FAT3: variants seen among roughly 807,000 people sequenced by gnomAD.
The protein encoded by FAT3 is FAT atypical cadherin 3.
A neutral mutation model predicts 310.2 loss-of-function variants in FAT3; 95 were observed. The ratio of observed to expected loss-of-function variants is 0.31; its 90% CI spans 0.26 to 0.36. The LOEUF (loss-of-function observed/expected upper bound fraction) is 0.36, where lower values mean the gene tolerates loss of function less well. FAT3 is among the 10% of genes least tolerant of loss of function. The pLI is 1.00. For synonymous variants in FAT3, 2,314 were observed against 2,192.9 expected (o/e 1.06, Z -1.54); for missense variants, 5,408 against 5,715.6 (o/e 0.95, Z 1.74).
rs770461964 is a variant in FAT3, at chr11:92,798,965, A to G, written c.5952A>G (p.Gln1984=). Residue 1984 remains glutamine (Q), a synonymous_variant, in exon 10 of 28, where the codon CAA becomes CAG. Coordinates refer to ENST00000525166, the MANE Select transcript of FAT3 (RefSeq NM_001367949.2). The stretch of plus-strand genomic sequence containing the variant: ...TGGACAGCGGCCTCCACTTTACACA[A>G]AGCTTCTATTCCACCTCAATCTCAG... The part of the protein sequence containing the change: ...EAMDSGLHFT[Q]SFYSTSISEN... 1 of 1,614,006 alleles carries G rather than the reference A, an allele frequency of 6.2e-7. No individual in the cohort carries two copies. The highest frequency in any genetic ancestry group is 8.5e-7 in the Non-Finnish European group (1 of 1,179,872).
chr11:92,521,369 C>A (rs1402388219), intron 2 of FAT3, among the ~76,000 whole-genome samples: 2 of 152,102 alleles, frequency 1.3e-5, no homozygotes, highest in East Asian at 3.9e-4. Flanking sequence ...TGGCACATGA[C>A]CAGAGAAGAA....
intron 7 of FAT3, among the ~76,000 whole-genome samples, chr11:92,777,132 TC>T (rs1352110103): frequency 2.0e-5 from 3 of 152,228 alleles, no homozygotes; most frequent in Non-Finnish European, 4.4e-5. Flanking sequence ...CAGATAACCT[TC>T]ACCATATAAC....
At chr11:92,566,889 A>T (rs1379601354) in intron 3 of FAT3, among the ~76,000 whole-genome samples, 1 of 152,350 alleles carries the variant, frequency 6.6e-6, no homozygotes, top group East Asian at 1.9e-4. Flanking sequence ...AATCAATTCA[A>T]GATGGATTAA....
intron 4 of FAT3, among the ~76,000 whole-genome samples, chr11:92,715,803 TAAG>T (rs1460918027): frequency 1.3e-5 from 2 of 151,746 alleles, no homozygotes; most frequent in Non-Finnish European, 2.9e-5. Context: ...GGGCCTTGGA[TAAG>T]AAGAAGATCA....
intron 4 of FAT3, among the ~76,000 whole-genome samples, chr11:92,717,540 C>T (rs1420827315): frequency 6.6e-6 from 1 of 152,112 alleles, no homozygotes; most frequent in Non-Finnish European, 1.5e-5. Context: ...GACAAGAGAC[C>T]TCAGTTTGAT....
rs539009430 is a variant in FAT3, at chr11:92,890,962, A to G, written c.13619A>G (p.Asn4540Ser). Residue 4540 changes from asparagine to serine, a missense_variant, in exon 28 of 28, where the codon AAT becomes AGT. Physicochemically the swap from Asn to Ser is conservative, Grantham distance 46. Around this residue, in one of 5 missense-constraint regions of FAT3, gnomAD observed 649 missense variants for 666.2 expected, o/e 0.97. Coordinates refer to ENST00000525166, the MANE Select transcript of FAT3 (RefSeq NM_001367949.2). The stretch of plus-strand genomic sequence containing the variant: ...GACAGCGTGTCTCTGTCCTTGCACA[A>G]TTCCAGAGGCACCTCATCCTCGGAT... ...PADSVSLSLH[N>S]SRGTSSSDVS... The G allele has an allele frequency of 1.2e-6, 2 of 1,613,964 alleles. No homozygotes were observed. Among genetic ancestry groups the G allele is most frequent in the Admixed American group, 3.3e-5 (2 of 60,016 alleles).
chr11:92,385,333 G>A (rs1381684101), intron 2 of FAT3, among the ~76,000 whole-genome samples: 2 of 152,236 alleles, frequency 1.3e-5, no homozygotes, highest in East Asian at 3.9e-4. Flanking sequence ...GTGGACTCAT[G>A]CTGATTTTAT....
chr11:92,418,111 T>A lies in FAT3; in HGVS notation c.3292+62707T>A, dbSNP rs1282624788. On this transcript the variant is annotated intron_variant, in intron 2 of 27. Coordinates refer to ENST00000525166, the MANE Select transcript of FAT3 (RefSeq NM_001367949.2). ...CTCTTGATCAAAATGAGTTTTTGTA[T>A]GTAGATTATCTAAATTCTCTTCCAA... is the stretch of plus-strand genomic sequence containing the variant. Among the ~76,000 whole-genome samples the A allele has an allele frequency of 2.0e-5, 3 of 151,878 alleles. No homozygotes were observed. In the East Asian group the frequency reaches 5.8e-4, roughly 29 times the overall value.
intron 1 of FAT3, among the ~76,000 whole-genome samples, chr11:92,251,581 A>G (rs1400930124): frequency 2.0e-5 from 3 of 152,176 alleles, no homozygotes; most frequent in Non-Finnish European, 2.9e-5. Context: ...TAATATGCTT[A>G]TAAACTTCAA....
chr11:92,327,613 T>C (rs181904449), intron 1 of FAT3, among the ~76,000 whole-genome samples: 5 of 152,344 alleles, frequency 3.3e-5, no homozygotes, highest in Admixed American at 6.5e-5. Flanking sequence ...TTCCCATTGC[T>C]TGTGGCCCTT....
At chr11:92,359,928 C>T (rs1475468390) in intron 2 of FAT3, among the ~76,000 whole-genome samples, 10 of 141,534 alleles carry the variant, frequency 7.1e-5, no homozygotes, top group Non-Finnish European at 9.1e-5. Flanking sequence ...TGAATAATGC[C>T]GCAATAAACA....
chr11:92,502,320 A>G (rs536115842), intron 2 of FAT3, among the ~76,000 whole-genome samples: 2 of 152,196 alleles, frequency 1.3e-5, no homozygotes, highest in African/African-American at 4.8e-5. Context: ...GTCTCTGAGG[A>G]CAGTGATAGA....
intron 1 of FAT3, among the ~76,000 whole-genome samples, chr11:92,303,029 T>A (rs1478438497): frequency 1.3e-5 from 2 of 151,810 alleles, no homozygotes; most frequent in Non-Finnish European, 2.9e-5. Flanking sequence ...CTCATTAGAG[T>A]TTTTTGCGGT....
rs1317977571 is a variant in FAT3, at chr11:92,306,709, T to C, written c.-17-45387T>C. Among the ~76,000 whole-genome samples the C allele has an allele frequency of 4.1e-5, 5 of 122,136 alleles. No individual in the cohort carries two copies. The East Asian group carries it at 1.1e-3, about 27-fold the overall frequency. 80.1% of individuals were successfully genotyped at this position (122,136 alleles called of 152,430 possible). ...GAGCCTTGGAAGAGGCTCATAAATA[T>C]ATATATTTATATATTATATATATAT... On this transcript the variant is annotated intron_variant, in intron 1 of 27. Transcript: ENST00000525166.
intron 3 of FAT3, among the ~76,000 whole-genome samples, chr11:92,554,461 CAAAAAAAAAAAAAAAAAAAAAAAA>C (rs56918849): frequency 1.8e-5 from 1 of 55,012 alleles, no homozygotes; most frequent in Non-Finnish European, 3.0e-5. Flanking sequence ...GACTCCATCT[CAAAAAAAAAAAAAAAAAAAAAAAA>C]AAAAAAAAAA....
At chr11:92,627,777 G>T (rs977374161) in intron 3 of FAT3, among the ~76,000 whole-genome samples, 1 of 152,188 alleles carries the variant, frequency 6.6e-6, no homozygotes, top group African/African-American at 2.4e-5. Flanking sequence ...TGATTACCGT[G>T]TAGAAAGCAG....
chr11:92,399,459 G>A (rs1167644266), intron 2 of FAT3, among the ~76,000 whole-genome samples: 1 of 152,060 alleles, frequency 6.6e-6, no homozygotes, highest in Non-Finnish European at 1.5e-5. Flanking sequence ...TTAAAAAATT[G>A]ATTCTCATTT....
chr11:92,290,880 A>G (rs1007017631), intron 1 of FAT3, among the ~76,000 whole-genome samples: 2 of 152,106 alleles, frequency 1.3e-5, no homozygotes, highest in African/African-American at 4.8e-5. Flanking sequence ...AGCCACTTGT[A>G]GCACCAAGTT....
chr11:92,761,029 A>G (rs1374890651), intron 4 of FAT3, among the ~76,000 whole-genome samples: 1 of 152,242 alleles, frequency 6.6e-6, no homozygotes, highest in Non-Finnish European at 1.5e-5. Context: ...AGTGGAACAT[A>G]TATCATAGTT....
Sources: allele counts gnomAD v4.1 joint callset (sites outside exome capture counted in the v4.1 genomes callset), GRCh38; gene constraint gnomAD v4.1.1; regional missense constraint gnomAD v4.1.1; transcripts MANE v1.5; gene names NCBI Gene and HGNC (gene_info 2026-07-23, HGNC 2026-07-21).